Variants in HTR2C observed in about 807,000 individuals in gnomAD.
HTR2C encodes the protein 5-hydroxytryptamine (serotonin) receptor 2C, G protein-coupled.
In HTR2C, 5 loss-of-function variants were observed where a neutral mutation model predicts 21.0. The ratio of observed to expected loss-of-function variants is 0.24; its 90% CI spans 0.12 to 0.50. The LOEUF (loss-of-function observed/expected upper bound fraction) is 0.50. Among genes scored for constraint, HTR2C ranks in the 20% least tolerant of loss-of-function variants. HTR2C has a pLI of 0.98. For missense variants in HTR2C, 271 were observed against 371.2 expected, an observed-to-expected ratio of 0.73 and a Z score of 2.22; for synonymous variants, 150 against 145.3, an observed-to-expected ratio of 1.03 and a Z score of -0.23.
intron 2 of HTR2C, among the ~76,000 whole-genome samples, chrX:114,637,881 T>C (rs782680724): frequency 9.0e-6 from 1 of 111,122 alleles, no homozygotes; most frequent in East Asian, 2.8e-4. Context: ...AAAAGCAAAA[T>C]TCGCTAAGGG....
chrX:114,734,689 A>G (rs2069573632), intron 4 of HTR2C, among the ~76,000 whole-genome samples: 1 of 109,984 alleles, frequency 9.1e-6, no homozygotes, highest in Non-Finnish European at 1.9e-5. Flanking sequence ...AAACAGATCA[A>G]TAGTTTCAAT....
In HTR2C at chrX:114,674,658, T is replaced by C. The variant is rs1412130482; in HGVS notation, c.-79-52200T>C. The stretch of plus-strand genomic sequence containing the variant: ...GCATGATGAGATACTTTATATTGCA[T>C]AGTGTCTTAAAAAATTATAACATCT... On this transcript the variant is annotated intron_variant, in intron 2 of 5. Transcript: ENST00000276198. Among the ~76,000 whole-genome samples the C allele has an allele frequency of 1.3e-4, 15 of 111,872 alleles. No homozygotes were observed. The Admixed American group carries it at 1.4e-3, about 11-fold the overall frequency.
chrX:114,628,161 AAAAGCAGTATTT>A (rs1362181334), intron 2 of HTR2C, among the ~76,000 whole-genome samples: 1 of 111,936 alleles, frequency 8.9e-6, no homozygotes, highest in Non-Finnish European at 1.9e-5. Context: ...TCTCTTTTTT[AAAAGCAGTATTT>A]AAATAGTATC....
At chrX:114,595,240 C>CA (rs1469051900) in intron 1 of HTR2C, among the ~76,000 whole-genome samples, 4 of 110,863 alleles carry the variant, frequency 3.6e-5, no homozygotes, top group Non-Finnish European at 7.6e-5. Context: ...TTTTTTGAGA[C>CA]AGGGTCTCAC....
intron 2 of HTR2C, among the ~76,000 whole-genome samples, chrX:114,703,000 G>T (rs1220755147): frequency 4.0e-5 from 3 of 75,871 alleles, no homozygotes; most frequent in African/African-American, 1.3e-4. Flanking sequence ...AGTTCAACAA[G>T]AAGAGCTAAC....
At chrX:114,814,638 C>T (rs1444618327) in intron 4 of HTR2C, among the ~76,000 whole-genome samples, 1 of 106,957 alleles carries the variant, frequency 9.3e-6, no homozygotes, top group Non-Finnish European at 1.9e-5. Flanking sequence ...CATAAATTGT[C>T]CTGATCCAAA....
intron 1 of HTR2C, among the ~76,000 whole-genome samples, chrX:114,592,623 G>A (rs979983443): frequency 9.0e-6 from 1 of 111,521 alleles, no homozygotes; most frequent in African/African-American, 3.3e-5. Flanking sequence ...GGATTCATTC[G>A]TGGATAACTT....
rs1321784927 is a variant in HTR2C, at chrX:114,844,663, T to C, written c.350-3340T>C. Among the ~76,000 whole-genome samples, 3 of 111,725 alleles carry C rather than the reference T, an allele frequency of 2.7e-5. No individual in the cohort carries two copies. In the Admixed American group the frequency reaches 2.9e-4, roughly 11 times the overall value. On this transcript the variant is annotated intron_variant, in intron 4 of 5. Transcript: ENST00000276198. ...CACATGTATGTTGAAAGTGAAAGGA[T>C]GGAAAAAGATATTCCATACAAACAG...
chrX:114,724,351 C>T (rs183645088), intron 2 of HTR2C, among the ~76,000 whole-genome samples: 7 of 101,326 alleles, frequency 6.9e-5, no homozygotes, highest in East Asian at 3.2e-4. Context: ...CTGCCTTTTT[C>T]GTTTTCCATT....
At chrX:114,867,188 T>C (rs1255072329) in intron 5 of HTR2C, among the ~76,000 whole-genome samples, 1 of 111,874 alleles carries the variant, frequency 8.9e-6, no homozygotes, top group African/African-American at 3.2e-5. Flanking sequence ...CTTTTGGATA[T>C]AAGCCATTTT....
At chrX:114,672,954 C>G (rs782361851) in intron 2 of HTR2C, among the ~76,000 whole-genome samples, 3 of 111,951 alleles carry the variant, frequency 2.7e-5, no homozygotes, top group Admixed American at 1.9e-4. Context: ...GGAGGCTCAT[C>G]TAATTGCACC....
intron 4 of HTR2C, chrX:114,823,363 A>G (rs1324475654): frequency 1.5e-5 from 5 of 332,240 alleles, no homozygotes; most frequent in African/African-American, 2.7e-5. Context: ...AGAGGCTTTC[A>G]TGACAGCATT....
At chrX:114,605,450 G>A (rs781961088) in intron 1 of HTR2C, among the ~76,000 whole-genome samples, 46 of 110,922 alleles carry the variant, frequency 4.1e-4, no homozygotes, top group African/African-American at 1.4e-3. Flanking sequence ...GGGGACAGGC[G>A]GGAGGGAAAG....
At chrX:114,830,263 T>A (rs782096489) in intron 4 of HTR2C, among the ~76,000 whole-genome samples, 30 of 111,543 alleles carry the variant, frequency 2.7e-4, no homozygotes, top group Non-Finnish European at 5.1e-4. Context: ...ATGCCTGTCC[T>A]CTTGTCCCCT....
At chrX:114,616,218 T>C (rs1928943347) in intron 2 of HTR2C, among the ~76,000 whole-genome samples, 1 of 109,779 alleles carries the variant, frequency 9.1e-6, no homozygotes, top group African/African-American at 3.4e-5. Flanking sequence ...AGCCTGATAT[T>C]CTTTGGGTTG....
At chrX:114,596,597 T>C (rs1927856944) in intron 1 of HTR2C, among the ~76,000 whole-genome samples, 1 of 111,738 alleles carries the variant, frequency 8.9e-6, no homozygotes, top group South Asian at 3.7e-4. Flanking sequence ...GTTTCCTCTA[T>C]TTGTATTCAG....
At chrX:114,732,091 A>G (rs934545369) in intron 4 of HTR2C, among the ~76,000 whole-genome samples, 1 of 112,247 alleles carries the variant, frequency 8.9e-6, no homozygotes, top group Admixed American at 9.5e-5. Flanking sequence ...CTTCTTGTTC[A>G]TGGAGTCTAT....
At chrX:114,730,250 A>T (rs193227131) in intron 3 of HTR2C, among the ~76,000 whole-genome samples, 3 of 112,074 alleles carry the variant, frequency 2.7e-5, no homozygotes, top group Admixed American at 1.9e-4. Flanking sequence ...TGTGCAAATG[A>T]CAACCACATC....
intron 2 of HTR2C, among the ~76,000 whole-genome samples, chrX:114,701,430 C>A (rs1214076898): frequency 8.9e-6 from 1 of 111,882 alleles, no homozygotes; most frequent in East Asian, 2.8e-4. Flanking sequence ...GCAGCCACTG[C>A]TGCTGATAAC....
Sources: allele counts gnomAD v4.1 joint callset (sites outside exome capture counted in the v4.1 genomes callset), GRCh38; gene constraint gnomAD v4.1.1; transcripts MANE v1.5; gene names NCBI Gene and HGNC (gene_info 2026-07-23, HGNC 2026-07-21).